The following MTMR7 variants were observed in gnomAD, a reference collection of about 807,000 sequenced individuals.
MTMR7 encodes phosphatidylinositol-3-phosphate phosphatase MTMR7.
MTMR7 carries 76 observed loss-of-function variants against 81.2 expected under a neutral mutation model. That is an observed-to-expected ratio of 0.94 (90% CI 0.78 to 1.13). The LOEUF (loss-of-function observed/expected upper bound fraction) is 1.13. Ranked by LOEUF, MTMR7 falls within the 50% of genes most tolerant of loss-of-function variation. The probability of loss-of-function intolerance (pLI) is 0.00; values close to 1 mark genes in which losing one functional copy is unlikely to be tolerated. For missense variants in MTMR7, 1,044 were observed against 820.0 expected (o/e 1.27, Z -3.34); for synonymous variants, 372 against 289.8 (o/e 1.28, Z -2.88).
At chr8:17,331,685 C>CTA (rs1168671718) in intron 6 of MTMR7, among the ~76,000 whole-genome samples, 1 of 152,180 alleles carries the variant, frequency 6.6e-6, no homozygotes, top group African/African-American at 2.4e-5. Flanking sequence ...AAATAAGGCT[C>CTA]TATACATTAT....
At chr8:17,412,273 C>T (rs1283526079) in intron 1 of MTMR7, among the ~76,000 whole-genome samples, 1 of 152,176 alleles carries the variant, frequency 6.6e-6, no homozygotes, top group Non-Finnish European at 1.5e-5. Context: ...ATTGCCCCCA[C>T]CCCTCTTAAA....
chr8:17,343,161 T>A (rs1429969989), intron 5 of MTMR7, among the ~76,000 whole-genome samples: 1 of 152,206 alleles, frequency 6.6e-6, no homozygotes, highest in Non-Finnish European at 1.5e-5. Context: ...GTGTGGTGGC[T>A]CACGCCTGTA....
chr8:17,404,499 T>C (rs528514365), intron 1 of MTMR7, among the ~76,000 whole-genome samples: 1 of 152,314 alleles, frequency 6.6e-6, no homozygotes, highest in East Asian at 1.9e-4. Context: ...CTATCAGTAC[T>C]ATTATTGTAT....
intron 1 of MTMR7, among the ~76,000 whole-genome samples, chr8:17,380,067 G>A (rs1384558628): frequency 1.3e-5 from 2 of 152,096 alleles, no homozygotes; most frequent in Admixed American, 6.6e-5. Context: ...TCTGCAACGT[G>A]AACTAATTCA....
chr8:17,409,435 G>A (rs185770179), intron 1 of MTMR7, among the ~76,000 whole-genome samples: 1 of 152,146 alleles, frequency 6.6e-6, no homozygotes, highest in East Asian at 1.9e-4. Flanking sequence ...GTGCACTCCA[G>A]CCTGGGCCAC....
At chr8:17,378,115 C>T (rs1421657111) in intron 1 of MTMR7, among the ~76,000 whole-genome samples, 1 of 151,986 alleles carries the variant, frequency 6.6e-6, no homozygotes, top group Non-Finnish European at 1.5e-5. Flanking sequence ...GGGATTTTTC[C>T]ATGTCTTTTT....
Position 17,311,526 on chromosome 8 carries a change from A to C in MTMR7, c.1086T>G (p.Thr362=). ...ASLLLDPHYR[T]LKGFMVLIEK... is the part of the protein sequence containing the mutation. ...CCACACTCACCATGAAGCCCTTCAG[A>C]GTCCGGTAGTGAGGGTCCAGCAGCA... The change falls in exon 9 of 14, where the codon ACT becomes ACG. Residue 362 remains threonine (T), a synonymous_variant. Transcript: ENST00000180173. The C allele has an allele frequency of 6.2e-7, 1 of 1,614,162 alleles. No homozygotes were observed.
intron 7 of MTMR7, among the ~76,000 whole-genome samples, chr8:17,315,514 T>C (rs1370608705): frequency 6.6e-6 from 1 of 152,200 alleles, no homozygotes; most frequent in Non-Finnish European, 1.5e-5. Context: ...CACAACAATG[T>C]ACCACTCCGT....
rs561994344 is a variant in MTMR7, at chr8:17,304,503, A to G, written c.1369T>C (p.Tyr457His). The G allele has an allele frequency of 1.9e-6, 3 of 1,613,572 alleles. No individual in the cohort carries two copies. Among genetic ancestry groups the G allele is most frequent in the South Asian group, 2.2e-5 (2 of 91,044 alleles). The change falls in exon 12 of 14, where the codon TAC (tyrosine) becomes CAC (histidine). Residue 457 changes from tyrosine to histidine, a missense_variant. Tyr to His is a moderately conservative substitution (Grantham distance 83). Coordinates refer to ENST00000180173, the MANE Select transcript of MTMR7 (RefSeq NM_004686.5). ...TTCCACAGGTGAGCCCATAATGAGT[A>G]TGTTCTTTCTTGAATCCTGTTATAA... ...RRELKIQERT[Y>H]SLWAHLWKNR...
intron 1 of MTMR7, among the ~76,000 whole-genome samples, chr8:17,403,327 A>T (rs1286905662): frequency 6.6e-6 from 1 of 152,210 alleles, no homozygotes; most frequent in African/African-American, 2.4e-5. Flanking sequence ...CATTTATTGA[A>T]GAGACTGTCT....
At chr8:17,395,136 T>C (rs968874150) in intron 1 of MTMR7, among the ~76,000 whole-genome samples, 2 of 152,038 alleles carry the variant, frequency 1.3e-5, no homozygotes, top group African/African-American at 4.8e-5. Context: ...CTAAGAATTC[T>C]ATATACCTCA....
chr8:17,357,163 G>C (rs559389571), intron 4 of MTMR7, among the ~76,000 whole-genome samples: 5 of 152,352 alleles, frequency 3.3e-5, no homozygotes, highest in Admixed American at 1.3e-4. Flanking sequence ...GAAGGAATCA[G>C]AGCTATCAGT....
At chr8:17,370,963 A>T in intron 3 of MTMR7, 74 bp downstream of exon 3, 1 of 1,479,452 alleles carries the variant, frequency 6.8e-7, no homozygotes. Flanking sequence ...CCTAAGCACC[A>T]TACAAATTCT....
At chr8:17,307,371 A>G (rs1205108658) in intron 10 of MTMR7, among the ~76,000 whole-genome samples, 1 of 152,212 alleles carries the variant, frequency 6.6e-6, no homozygotes, top group Non-Finnish European at 1.5e-5. Context: ...GCGATCATTA[A>G]AAAGTCAGGA....
At chr8:17,375,834 G>C (rs888681111) in intron 1 of MTMR7, among the ~76,000 whole-genome samples, 3 of 152,042 alleles carry the variant, frequency 2.0e-5, no homozygotes, top group Non-Finnish European at 4.4e-5. Flanking sequence ...AAACTTCAGA[G>C]TAACTATAAA....
intron 4 of MTMR7, among the ~76,000 whole-genome samples, chr8:17,350,911 C>T (rs1819710706): frequency 6.6e-6 from 1 of 152,174 alleles, no homozygotes; most frequent in Non-Finnish European, 1.5e-5. Context: ...GTGGCACTGA[C>T]ACTCTAAAGG....
intron 9 of MTMR7, among the ~76,000 whole-genome samples, chr8:17,310,611 T>C (rs919717462): frequency 6.6e-6 from 1 of 152,072 alleles, no homozygotes; most frequent in African/African-American, 2.4e-5. Context: ...GAAGCAAGGG[T>C]ATCACTTTGA....
intron 6 of MTMR7, chr8:17,339,110 G>C (rs1024659496): frequency 1.3e-5 from 2 of 152,200 alleles, no homozygotes; most frequent in African/African-American, 4.8e-5. Context: ...ATAGGATGCA[G>C]TTCTCGTGAT....
chr8:17,340,216 G>A (rs910199241), intron 6 of MTMR7, among the ~76,000 whole-genome samples: 1 of 152,220 alleles, frequency 6.6e-6, no homozygotes, highest in Non-Finnish European at 1.5e-5. Context: ...GCCTCCCAAA[G>A]TGCTGGGATT....
Sources: gnomAD v4.1 joint callset for allele counts (sites outside exome capture counted in the v4.1 genomes callset) on GRCh38, gnomAD v4.1.1 for gene constraint, MANE v1.5 for transcripts, NCBI Gene and HGNC (gene_info 2026-07-23, HGNC 2026-07-21) for gene names.